VWCE: variants seen among roughly 807,000 people sequenced by gnomAD.
VWCE encodes the protein von Willebrand factor C and EGF domain-containing protein.
VWCE carries 68 observed loss-of-function variants against 102.9 expected under a neutral mutation model. That is an observed-to-expected ratio of 0.66 (90% CI 0.54 to 0.81). The LOEUF (loss-of-function observed/expected upper bound fraction) is 0.81, where lower values mean the gene tolerates loss of function less well. Ranked by LOEUF, VWCE falls within the 30% of genes least tolerant of loss-of-function variation. The probability of loss-of-function intolerance (pLI) is 0.00; values close to 1 mark genes in which losing one functional copy is unlikely to be tolerated. For synonymous variants in VWCE, 497 were observed against 515.4 expected (o/e 0.96, Z 0.48); for missense variants, 1,137 against 1,263.6 (o/e 0.90, Z 1.52).
chr11:61,274,880 AG>A (rs1215097567), intron 11 of VWCE, among the ~76,000 whole-genome samples: 8 of 152,188 alleles, frequency 5.3e-5, no homozygotes, highest in Non-Finnish European at 1.2e-4. Context: ...TGGTCAAAAC[AG>A]CGAGACCCCA....
In VWCE at chr11:61,265,143, C is replaced by A. The variant is rs760132718; in HGVS notation, c.2035G>T (p.Glu679Ter). Residue 679 changes from glutamate (E) to a stop codon, truncating the protein, a stop_gained, in exon 17 of 20, where the codon GAG becomes TAG. Coordinates refer to ENST00000335613, the MANE Select transcript of VWCE (RefSeq NM_152718.2). LOFTEE classifies it high-confidence loss of function. ...TCACCTCGGCACACGGGGCAGCACT[C>A]CCCGTCAGGGTGGAAAGGGTAGGTA... The part of the protein sequence containing the change: ...TCTYPFHPDG[E>*]CCPVCRDCNY... The A allele has an allele frequency of 5.7e-6, 9 of 1,591,980 alleles. No individual in the cohort carries two copies. Among genetic ancestry groups the A allele is most frequent in the Non-Finnish European group, 8.6e-7 (1 of 1,168,784 alleles).
chr11:61,279,084 G>A (rs191356825), intron 9 of VWCE, among the ~76,000 whole-genome samples: 1 of 151,632 alleles, frequency 6.6e-6, no homozygotes, highest in East Asian at 1.9e-4. Flanking sequence ...TGGCCATCCA[G>A]CTTCGTTAAC....
At chr11:61,261,804 CAAA>C (rs34361479) in intron 19 of VWCE, among the ~76,000 whole-genome samples, 1 of 116,734 alleles carries the variant, frequency 8.6e-6, no homozygotes. Context: ...GACCCTGTCT[CAAA>C]AAAAAAAAAA....
At chr11:61,278,576 C>T in intron 9 of VWCE, 100 bp from the exon 10 acceptor site, 3 of 1,080,490 alleles carry the variant, frequency 2.8e-6, no homozygotes, top group Non-Finnish European at 4.2e-6. Context: ...CTGGAACATT[C>T]TCTCACTGCC....
chr11:61,292,350 T>G (rs1365570282), intron 1 of VWCE, among the ~76,000 whole-genome samples: 2 of 152,202 alleles, frequency 1.3e-5, no homozygotes, highest in Non-Finnish European at 2.9e-5. Flanking sequence ...CACCCTTACC[T>G]TGCTTTATTC....
chr11:61,277,168 AGGAG>A lies in VWCE; in HGVS notation c.1408-492_1408-489del, dbSNP rs200951020. Among the ~76,000 whole-genome samples, 686 of 73,666 alleles carry A rather than the reference AGGAG, an allele frequency of 9.3e-3. 7 individuals are homozygous for A. The highest frequency in any genetic ancestry group is 0.026 in the East Asian group (71 of 2,682). The allele number at this position is 73,666 out of a possible 152,430, so 48.3% of individuals were successfully genotyped here. On this transcript the variant is annotated intron_variant, in intron 10 of 19. Coordinates refer to ENST00000335613, the MANE Select transcript of VWCE (RefSeq NM_152718.2). ...AACAAGAAAGAAAAAGAGAGAAAAA[AGGAG>A]GGAGGGAGGGAGGGAGGGAACTTGA...
intron 12 of VWCE, 98 bp from the exon 13 acceptor site, chr11:61,273,414 C>G (rs764135574): frequency 1.7e-6 from 2 of 1,145,538 alleles, no homozygotes; most frequent in Non-Finnish European, 2.5e-6. Context: ...ATCACCCTCC[C>G]GGCTACTCAA....
chr11:61,292,455 A>G lies in VWCE; in HGVS notation c.111-879T>C, dbSNP rs111723151. Among the ~76,000 whole-genome samples the G allele has an allele frequency of 1.9e-3, 295 of 152,148 alleles. 4 individuals carry two copies. The highest frequency in any genetic ancestry group is 6.9e-3 in the African/African-American group (286 of 41,504). On this transcript the variant is annotated intron_variant, in intron 1 of 19. Transcript: ENST00000335613. ...GATGACAAGGGTTTCTTATCTATTT[A>G]CCCCAGCACGTACAGGAGTGCCTGG...
chr11:61,264,225 CAAAAAAAAAAA>C (rs547085588), intron 19 of VWCE, among the ~76,000 whole-genome samples: 3 of 19,986 alleles, frequency 1.5e-4, no homozygotes, highest in Non-Finnish European at 4.5e-4. Context: ...GACTCAGTCT[CAAAAAAAAAAA>C]AAAAAAAAAA....
chr11:61,273,264 CG>C lies in VWCE; in HGVS notation c.1633del (p.Arg545GlufsTer56), dbSNP rs1246690534. 2 of 1,613,856 alleles carry C rather than the reference CG, an allele frequency of 1.2e-6. No individual in the cohort carries two copies. Among genetic ancestry groups the C allele is most frequent in the Non-Finnish European group, 1.7e-6 (2 of 1,179,932 alleles). On this transcript the variant is annotated frameshift_variant, in exon 13 of 20. Transcript: ENST00000335613. LOFTEE classifies it high-confidence loss of function. ...FMPCPELACP[R>X]EEWRLGPGQC... ...CCCAGGGCCCAGCCGCCACTCTTCT[CG>C]GGGGCAGGCCAGCTCAGGGCAGGGC... is the stretch of plus-strand genomic sequence containing the variant.
At chr11:61,276,421 A>AG in intron 11 of VWCE, among the ~76,000 whole-genome samples, 172 bp downstream of exon 11, 1 of 150,780 alleles carries the variant, frequency 6.6e-6, no homozygotes, top group East Asian at 2.0e-4. Context: ...AAAAAAAAAA[A>AG]GGAGCAAAAT....
chr11:61,260,953 A>C (rs1433425331), intron 19 of VWCE, among the ~76,000 whole-genome samples: 1 of 152,180 alleles, frequency 6.6e-6, no homozygotes, highest in Non-Finnish European at 1.5e-5. Context: ...GCCCAGGCGC[A>C]GTGGCTCATG....
At chr11:61,263,102 T>A (rs929485986) in intron 19 of VWCE, among the ~76,000 whole-genome samples, 2 of 152,072 alleles carry the variant, frequency 1.3e-5, no homozygotes, top group African/African-American at 4.8e-5. Context: ...AGGTCAGAAG[T>A]TCGAGAACAG....
In VWCE at chr11:61,285,601, C is replaced by T. The variant is rs144913269; in HGVS notation, c.541+713G>A. The stretch of plus-strand genomic sequence containing the variant: ...AGTGAATGACCCCATCCCGGTATGC[C>T]CCTCCCATGGCTCCTCGGGACTCAT... On this transcript the variant is annotated intron_variant, in intron 5 of 19. Coordinates refer to ENST00000335613, the MANE Select transcript of VWCE (RefSeq NM_152718.2). Among the ~76,000 whole-genome samples the T allele has an allele frequency of 2.8e-3, 428 of 152,206 alleles. 1 individual carries two copies. Among genetic ancestry groups the T allele is most frequent in the Admixed American group, 5.1e-3 (78 of 15,296 alleles).
chr11:61,290,663 C>T, intron 4 of VWCE, 136 bp downstream of exon 4: 2 of 965,816 alleles, frequency 2.1e-6, no homozygotes, highest in Non-Finnish European at 3.0e-6. Context: ...TGTCTCTCTG[C>T]CCACTCTCAA....
Position 61,281,904 on chromosome 11 carries a change from C to G in VWCE, c.669G>C (p.Glu223Asp). 1 of 1,613,526 alleles carries G rather than the reference C, an allele frequency of 6.2e-7. No individual in the cohort carries two copies. Among genetic ancestry groups the G allele is most frequent in the Non-Finnish European group, 8.5e-7 (1 of 1,179,688 alleles). Residue 223 changes from glutamate (E) to aspartate (D), a missense_variant, in exon 7 of 20, where the codon GAG (glutamate) becomes GAC (aspartate). Physicochemically the swap from Glu to Asp is conservative, Grantham distance 45. This residue lies in a region of VWCE where 575 missense variants were observed against 625.9 expected (regional missense o/e 0.92). Transcript: ENST00000335613. ...CTCGCCTCTCCAATGGCCTCCGACACTCGTTTACATCTGCGGGAGAGCCTC... is the reference window on the plus strand; with the variant it reads ...CTCGCCTCTCCAATGGCCTCCGACAGTCGTTTACATCTGCGGGAGAGCCTC... ...GNRHSCVDVN[E>D]CRRPLERRVC...
chr11:61,295,089 G>C lies in VWCE; in HGVS notation c.-52C>G. On this transcript the variant is annotated 5_prime_UTR_variant, in exon 1 of 20. Transcript: ENST00000335613. The surrounding 1 kb of genome is among the most constrained non-coding windows in gnomAD (Gnocchi z 4.6). Reference sequence around the variant, plus strand: ...TGGGCTCGGCTCCTGCGCCGCGCGCGGGAGAGGGGGCTGCCGGCCCTCGCC... The same window carrying C: ...TGGGCTCGGCTCCTGCGCCGCGCGCCGGAGAGGGGGCTGCCGGCCCTCGCC... The C allele has an allele frequency of 2.6e-6, 3 of 1,160,302 alleles. No homozygotes were observed. The highest frequency in any genetic ancestry group is 3.3e-6 in the Non-Finnish European group (3 of 906,070). The allele number at this position is 1,160,302 out of a possible 1,614,324, so 71.9% of individuals were successfully genotyped here. A position where few individuals can be genotyped will look rare whatever the true frequency, so the allele number is the denominator to read the frequency against.
chr11:61,282,956 G>A, intron 5 of VWCE, 51 bp from the exon 6 acceptor site: 1 of 1,475,716 alleles, frequency 6.8e-7, no homozygotes, highest in Non-Finnish European at 9.5e-7. Context: ...CAGAACCTTG[G>A]AAATATATGG....
intron 9 of VWCE, among the ~76,000 whole-genome samples, 192 bp downstream of exon 9, chr11:61,280,432 C>A (rs774137667): frequency 1.3e-4 from 20 of 152,166 alleles, no homozygotes; most frequent in Non-Finnish European, 2.8e-4. Flanking sequence ...CTGTTCAAAA[C>A]GCACATGTTC....
Sources: allele counts gnomAD v4.1 joint callset (sites outside exome capture counted in the v4.1 genomes callset), GRCh38; gene constraint gnomAD v4.1.1; regional missense constraint gnomAD v4.1.1; non-coding constraint Gnocchi (gnomAD v3.1); transcripts MANE v1.5; gene names NCBI Gene and HGNC (gene_info 2026-07-23, HGNC 2026-07-21).